The following RAPGEF2 variants were observed in gnomAD, a reference collection of about 807,000 sequenced individuals.
The protein encoded by RAPGEF2 is PDZ domain containing guanine nucleotide exchange factor (GEF) 1.
In RAPGEF2, 54 loss-of-function variants were observed where a neutral mutation model predicts 186.7. The ratio of observed to expected loss-of-function variants is 0.29; its 90% CI spans 0.23 to 0.36. The LOEUF is 0.36. Among genes scored for constraint, RAPGEF2 ranks in the 10% least tolerant of loss-of-function variants. RAPGEF2 has a pLI of 1.00. For missense variants in RAPGEF2, 1,532 were observed against 2,045.0 expected (o/e 0.75, Z 4.84); for synonymous variants, 712 against 705.9 (o/e 1.01, Z -0.14).
chr4:159,350,331 TA>T, intron 26 of RAPGEF2, 42 bp downstream of exon 26: 2 of 1,440,200 alleles, frequency 1.4e-6, no homozygotes, highest in Non-Finnish European at 1.9e-6. Flanking sequence ...TTGAAACCTA[TA>T]CATTTTGGCT....
intron 1 of RAPGEF2, among the ~76,000 whole-genome samples, chr4:159,109,391 C>G (rs1738245225): frequency 6.6e-6 from 1 of 152,118 alleles, no homozygotes; most frequent in Non-Finnish European, 1.5e-5. Flanking sequence ...AATCGTTGGT[C>G]CTTGATAATC....
At chr4:159,297,625 A>G (rs765505014) in intron 7 of RAPGEF2, among the ~76,000 whole-genome samples, 3 of 151,502 alleles carry the variant, frequency 2.0e-5, no homozygotes, top group South Asian at 2.1e-4. Context: ...TTAAAAGGTA[A>G]TATGTAGACT....
chr4:159,195,393 C>T (rs1223799004), intron 3 of RAPGEF2, among the ~76,000 whole-genome samples: 1 of 152,140 alleles, frequency 6.6e-6, no homozygotes, highest in Non-Finnish European at 1.5e-5. Context: ...TCCTCTGAAA[C>T]GTGGTTTGGA....
chr4:159,332,073 C>T (rs746379667), intron 16 of RAPGEF2, 39 bp downstream of exon 16: 1 of 1,382,050 alleles, frequency 7.2e-7, no homozygotes, highest in Non-Finnish European at 1.0e-6. Context: ...CTCCTTTTGG[C>T]CTTGTTTTTT....
Position 159,341,642 on chromosome 4 carries a change from A to T in RAPGEF2, c.2613A>T (p.Gln871His). 6.2e-7 allele frequency: 1 copy of T among 1,613,922 alleles called. No individual in the cohort carries two copies. Among genetic ancestry groups the T allele is most frequent in the Non-Finnish European group, 8.5e-7 (1 of 1,179,902 alleles). Residue 871 changes from glutamine to histidine, a missense_variant, in exon 20 of 30, where the codon CAA becomes CAT. Transcript: ENST00000691494. Reference protein sequence around the residue: ...EDAQELLRESQISLLQLSTVE... With the variant: ...EDAQELLRESHISLLQLSTVE... ...CTCAGGAGTTGTTGAGAGAGAGTCAAATTTCCCTCCTTCAGCTCAGCACTG... is the reference window on the plus strand; with the variant it reads ...CTCAGGAGTTGTTGAGAGAGAGTCATATTTCCCTCCTTCAGCTCAGCACTG...
At chr4:159,209,851 A>G (rs1750348693) in intron 3 of RAPGEF2, among the ~76,000 whole-genome samples, 1 of 152,254 alleles carries the variant, frequency 6.6e-6, no homozygotes, top group African/African-American at 2.4e-5. Flanking sequence ...TATTGAAAAC[A>G]ATGGGAAATG....
intron 1 of RAPGEF2, among the ~76,000 whole-genome samples, chr4:159,137,278 C>T (rs1210277663): frequency 6.6e-6 from 1 of 152,172 alleles, no homozygotes; most frequent in African/African-American, 2.4e-5. Flanking sequence ...GTATCATTTT[C>T]TGGTGAAGGC....
rs1474261372 is a variant in RAPGEF2 at position 159,186,683 on chromosome 4, C to A, written c.111C>A (p.Ala37=). 6.8e-7 allele frequency: 1 copy of A among 1,473,822 alleles called. No individual in the cohort carries two copies. The highest frequency in any genetic ancestry group is 2.1e-5 in the Admixed American group (1 of 47,980). The allele number at this position is 1,473,822 out of a possible 1,614,324, so 91.3% of individuals were successfully genotyped here. ...IVYSYLHGME[A]LSNLREHQLR... ...ATTCCTATTTACATGGTATGGAAGC[C>A]TTATCAAACTTGAGGGAGCATCAAC... Residue 37 remains alanine (A), a synonymous_variant, in exon 2 of 30, where the codon GCC becomes GCA. Coordinates refer to ENST00000691494, the MANE Select transcript of RAPGEF2 (RefSeq NM_001394067.2).
chr4:159,262,421 G>A (rs1299691968), intron 7 of RAPGEF2, among the ~76,000 whole-genome samples: 2 of 152,196 alleles, frequency 1.3e-5, no homozygotes, highest in East Asian at 3.8e-4. Flanking sequence ...TTGTTCTACA[G>A]CCTCGCCCCT....
intron 4 of RAPGEF2, among the ~76,000 whole-genome samples, chr4:159,219,113 T>C (rs1304600557): frequency 6.6e-6 from 1 of 152,226 alleles, no homozygotes; most frequent in Non-Finnish European, 1.5e-5. Context: ...CAGTTCATCC[T>C]CTAGGACTTG....
intron 9 of RAPGEF2, among the ~76,000 whole-genome samples, chr4:159,319,717 C>T (rs1765012458): frequency 6.6e-6 from 1 of 151,642 alleles, no homozygotes; most frequent in Non-Finnish European, 1.5e-5. Context: ...TTTGATCTTT[C>T]TGTCTCCTTT....
At chr4:159,198,259 T>C (rs1030422725) in intron 3 of RAPGEF2, among the ~76,000 whole-genome samples, 5 of 67,196 alleles carry the variant, frequency 7.4e-5, no homozygotes, top group African/African-American at 2.0e-4. Context: ...TTTCTTTCTT[T>C]CTCTTTCTTT....
rs1016324617 is a variant in RAPGEF2, at chr4:159,262,097, T to C, written c.543+18306T>C. On this transcript the variant is annotated intron_variant, in intron 7 of 29. Transcript: ENST00000691494. Reference sequence around the variant, plus strand: ...CAGTGTGGAATTTAACAGGTTAGTTTTGAAGTTTATGTGGAATCACTTATG... The same window carrying C: ...CAGTGTGGAATTTAACAGGTTAGTTCTGAAGTTTATGTGGAATCACTTATG... Among the ~76,000 whole-genome samples the C allele has an allele frequency of 2.0e-5, 3 of 152,334 alleles. No homozygotes were observed. The East Asian group carries it at 5.8e-4, about 29-fold the overall frequency.
intron 1 of RAPGEF2, among the ~76,000 whole-genome samples, chr4:159,116,558 G>T (rs1019008907): frequency 5.9e-5 from 9 of 152,036 alleles, no homozygotes; most frequent in Non-Finnish European, 1.2e-4. Context: ...CCCATTACTG[G>T]GTATATACCC....
intron 3 of RAPGEF2, among the ~76,000 whole-genome samples, chr4:159,198,271 CTTCTTTCTTTCTTTCTTTCTTTCTTTCT>C (rs201152378): frequency 0.081 from 8,420 of 104,390 alleles, 638 homozygotes; most frequent in Middle Eastern, 0.12. Context: ...TCTTTCTTTC[CTTCTTTCTTTCTTTCTTTCTTTCTTTCT>C]TTCTTTCTTT....
chr4:159,314,070 G>A (rs1016962318), intron 8 of RAPGEF2, among the ~76,000 whole-genome samples: 4 of 152,204 alleles, frequency 2.6e-5, no homozygotes, highest in African/African-American at 9.6e-5. Context: ...TAGTTTAACA[G>A]TGGTCATTGG....
chr4:159,205,700 C>T (rs1006687020), intron 3 of RAPGEF2, among the ~76,000 whole-genome samples: 4 of 152,120 alleles, frequency 2.6e-5, no homozygotes, highest in Non-Finnish European at 4.4e-5. Flanking sequence ...TTTTCTGCTC[C>T]ACCATGGTAA....
rs1469695642 is a variant in RAPGEF2, at chr4:159,295,748, TGTGTGTGCGCGCGCGCGC to T, written c.544-8592_544-8575del. Among the ~76,000 whole-genome samples, 10 of 112,148 alleles carry T rather than the reference TGTGTGTGCGCGCGCGCGC, an allele frequency of 8.9e-5. No homozygotes were observed. In the East Asian group the frequency reaches 1.5e-3, roughly 16 times the overall value. 73.6% of individuals were successfully genotyped at this position (112,148 alleles called of 152,430 possible). ...GTGTGTGTGTGTGTGTGTGTGTGTG[TGTGTGTGCGCGCGCGCGC>T]GCGCGCGCATGCACATAATGTTTTT... On this transcript the variant is annotated intron_variant, in intron 7 of 29. Transcript: ENST00000691494.
intron 3 of RAPGEF2, among the ~76,000 whole-genome samples, chr4:159,210,184 T>C (rs1185290505): frequency 6.6e-6 from 1 of 152,236 alleles, no homozygotes; most frequent in African/African-American, 2.4e-5. Context: ...CTGGGTATTT[T>C]TTCATTTTAT....
Sources: gnomAD v4.1 joint callset for allele counts (sites outside exome capture counted in the v4.1 genomes callset) on GRCh38, gnomAD v4.1.1 for gene constraint, MANE v1.5 for transcripts, NCBI Gene and HGNC (gene_info 2026-07-23, HGNC 2026-07-21) for gene names.